Variants in NRDC observed in about 807,000 individuals in gnomAD.
NRDC encodes nardilysin convertase, also known as nardilysin.
NRDC carries 54 observed loss-of-function variants against 147.1 expected under a neutral mutation model. That is an observed-to-expected ratio of 0.37 (90% CI 0.29 to 0.46). The LOEUF (loss-of-function observed/expected upper bound fraction) is 0.46. Among genes scored for constraint, NRDC ranks in the 20% least tolerant of loss-of-function variants. The probability of loss-of-function intolerance (pLI) is 1.00; values close to 1 mark genes in which losing one functional copy is unlikely to be tolerated. For missense variants in NRDC, 1,082 were observed against 1,370.6 expected, an observed-to-expected ratio of 0.79 and a Z score of 3.33; for synonymous variants, 440 against 482.1, an observed-to-expected ratio of 0.91 and a Z score of 1.14.
At chr1:51,873,479 T>TTTTATTTATTTA (rs57413276) in intron 1 of NRDC, among the ~76,000 whole-genome samples, 117 of 141,876 alleles carry the variant, frequency 8.2e-4, no homozygotes, top group East Asian at 1.5e-3. Context: ...TATATGGAAT[T>TTTTATTTATTTA]TTTATTTATT....
At chr1:51,836,654 A>G (rs941797757) in intron 2 of NRDC, among the ~76,000 whole-genome samples, 2 of 152,200 alleles carry the variant, frequency 1.3e-5, no homozygotes, top group Non-Finnish European at 2.9e-5. Context: ...CAGTTACTAG[A>G]TGTGAAACCT....
intron 5 of NRDC, among the ~76,000 whole-genome samples, chr1:51,827,540 C>G (rs538461725): frequency 1.2e-4 from 18 of 152,206 alleles, no homozygotes; most frequent in South Asian, 6.2e-4. Flanking sequence ...CTTTGAATCT[C>G]AAAAGATTAG....
At chr1:51,851,971 T>C (rs1681972048) in intron 1 of NRDC, among the ~76,000 whole-genome samples, 1 of 152,194 alleles carries the variant, frequency 6.6e-6, no homozygotes, top group African/African-American at 2.4e-5. Context: ...TCCTTTTTCC[T>C]TCTATGGGCA....
At chr1:51,796,308 G>A (rs548153692) in intron 22 of NRDC, among the ~76,000 whole-genome samples, 39 of 145,904 alleles carry the variant, frequency 2.7e-4, no homozygotes, top group Non-Finnish European at 4.2e-4. Flanking sequence ...GCGTGATCTC[G>A]GCTCACTGCA....
chr1:51,805,505 C>T lies in NRDC; in HGVS notation c.2162+5G>A. On this transcript the variant is annotated splice_donor_5th_base_variant and intron_variant, in intron 19 of 30. Coordinates refer to ENST00000352171, the MANE Select transcript of NRDC (RefSeq NM_001101662.2). ...TATTTTCCAGAAAAAAAGACAATTGCTTACTTTGCTGCAGATTTCTGTATC... is the reference window on the plus strand; with the variant it reads ...TATTTTCCAGAAAAAAAGACAATTGTTTACTTTGCTGCAGATTTCTGTATC... 6.4e-7 allele frequency: 1 copy of T among 1,573,654 alleles called. No homozygotes were observed. The highest frequency in any genetic ancestry group is 8.6e-7 in the Non-Finnish European group (1 of 1,164,460).
chr1:51,846,570 G>C (rs1389217531), intron 1 of NRDC, among the ~76,000 whole-genome samples: 1 of 152,172 alleles, frequency 6.6e-6, no homozygotes, highest in Non-Finnish European at 1.5e-5. Context: ...TCCAATGTTC[G>C]GATGTGTTCA....
intron 1 of NRDC, among the ~76,000 whole-genome samples, chr1:51,858,878 T>G (rs1029712579): frequency 2.6e-5 from 4 of 152,266 alleles, no homozygotes; most frequent in African/African-American, 9.6e-5. Context: ...TAAGGGTGTC[T>G]GCCTGTGTAT....
At chr1:51,796,939 A>G (rs532817017) in intron 22 of NRDC, among the ~76,000 whole-genome samples, 34 of 147,010 alleles carry the variant, frequency 2.3e-4, no homozygotes, top group Non-Finnish European at 3.3e-4. Flanking sequence ...GGTGGCTCAC[A>G]CCTGTAATCC....
intron 1 of NRDC, among the ~76,000 whole-genome samples, chr1:51,873,802 C>T (rs1280630494): frequency 1.3e-5 from 2 of 151,902 alleles, no homozygotes; most frequent in Non-Finnish European, 2.9e-5. Context: ...TGAGCCCCCA[C>T]GCCCAGCCTG....
chr1:51,845,487 G>A (rs11804600), intron 1 of NRDC, among the ~76,000 whole-genome samples: 3 of 152,142 alleles, frequency 2.0e-5, no homozygotes, highest in Non-Finnish European at 2.9e-5. Context: ...CAGCTACTCA[G>A]GAAGCTGAAG....
rs1398233206 is a variant in NRDC at position 51,871,567 on chromosome 1, A to G, written c.341+6708T>C. Among the ~76,000 whole-genome samples the G allele has an allele frequency of 4.2e-5, 6 of 144,052 alleles. No individual in the cohort carries two copies. In the East Asian group the frequency reaches 1.2e-3, roughly 29 times the overall value. 94.5% of individuals were successfully genotyped at this position (144,052 alleles called of 152,430 possible). ...AAAAGCCACTATCACCTGCTTCCCA[A>G]CTGCTCCTTTTCAATTTCAATTGTT... On this transcript the variant is annotated intron_variant, in intron 1 of 30. Transcript: ENST00000352171.
At chr1:51,841,370 C>T (rs558952932) in intron 1 of NRDC, among the ~76,000 whole-genome samples, 1 of 152,172 alleles carries the variant, frequency 6.6e-6, no homozygotes, top group South Asian at 2.1e-4. Context: ...TGCAGTGGCA[C>T]GATCTCAGCT....
intron 24 of NRDC, 103 bp from the exon 25 acceptor site, chr1:51,792,527 G>A (rs987134002): frequency 1.1e-4 from 102 of 964,818 alleles, no homozygotes; most frequent in Non-Finnish European, 1.6e-4. Flanking sequence ...ACCACCAATC[G>A]CTCTCCCCCA....
chr1:51,836,796 G>A (rs1680999626), intron 2 of NRDC, among the ~76,000 whole-genome samples: 1 of 152,060 alleles, frequency 6.6e-6, no homozygotes, highest in African/African-American at 2.4e-5. Flanking sequence ...AAATTTTAAA[G>A]AGGCTTTTTA....
intron 1 of NRDC, among the ~76,000 whole-genome samples, chr1:51,853,168 G>C (rs1457395124): frequency 6.6e-6 from 1 of 151,736 alleles, no homozygotes; most frequent in Non-Finnish European, 1.5e-5. Context: ...AGGTTGCAGT[G>C]AGCCAAGACA....
At position 51,840,277 on chromosome 1, in the gene NRDC, C is replaced by T. The variant is rs1370304409; in HGVS notation, c.579G>A (p.Leu193=). The change falls in exon 2 of 31, where the codon TTG becomes TTA. Residue 193 remains leucine (L), a synonymous_variant. Coordinates refer to ENST00000352171, the MANE Select transcript of NRDC (RefSeq NM_001101662.2). The stretch of plus-strand genomic sequence containing the variant: ...CTTCTGCTCTCTCTTCTAATTCTTC[C>T]AATTCATTATCCTCAGTATCAAGAT... ...DDDLDTEDNE[L]EELEERAEAR... The T allele has an allele frequency of 6.2e-7, 1 of 1,606,908 alleles. No homozygotes were observed. Among genetic ancestry groups the T allele is most frequent in the Non-Finnish European group, 8.5e-7 (1 of 1,175,062 alleles).
rs141206378 is a variant in NRDC, at chr1:51,832,512, A to T, written c.866+1505T>A. 1.5e-3 allele frequency among the ~76,000 whole-genome samples: 229 copies of T among 152,342 alleles called. 6 individuals carry two copies. The East Asian group carries it at 0.034, about 23-fold the overall frequency. The stretch of plus-strand genomic sequence containing the variant: ...TGATTTGCAGATGTATCAACAAAAA[A>T]TAGATAAAAATTCCTGCTCTGAAGG... On this transcript the variant is annotated intron_variant, in intron 4 of 30. Coordinates refer to ENST00000352171, the MANE Select transcript of NRDC (RefSeq NM_001101662.2).
At chr1:51,835,555 C>G (rs1680926056) in intron 3 of NRDC, among the ~76,000 whole-genome samples, 1 of 150,860 alleles carries the variant, frequency 6.6e-6, no homozygotes, top group Admixed American at 6.6e-5. Flanking sequence ...CAACCTCTAC[C>G]TCCCAGGTTC....
chr1:51,804,913 G>T (rs1739122), intron 19 of NRDC, among the ~76,000 whole-genome samples: 5 of 130,736 alleles, frequency 3.8e-5, no homozygotes, highest in African/African-American at 8.9e-5. Flanking sequence ...GTATCTCCTA[G>T]GTTCAGACAC....
Sources: gnomAD v4.1 joint callset for allele counts (sites outside exome capture counted in the v4.1 genomes callset) on GRCh38, gnomAD v4.1.1 for gene constraint, MANE v1.5 for transcripts, NCBI Gene and HGNC (gene_info 2026-07-23, HGNC 2026-07-21) for gene names.